GPHN: variants seen among roughly 807,000 people sequenced by gnomAD.
GPHN encodes the protein gephyrin.
In GPHN, 17 loss-of-function variants were observed where a neutral mutation model predicts 95.5. The ratio of observed to expected loss-of-function variants is 0.18; its 90% CI spans 0.12 to 0.27. The LOEUF is 0.27. Ranked by LOEUF, GPHN falls within the 10% of genes least tolerant of loss-of-function variation. The pLI, the probability that GPHN is intolerant of heterozygous loss-of-function variation, is 1.00. For missense variants in GPHN, 660 were observed against 978.1 expected (o/e 0.67, Z 4.34); for synonymous variants, 320 against 322.5 (o/e 0.99, Z 0.08).
At chr14:67,424,172 G>A in the GPHN span, among the ~76,000 whole-genome samples, 590 of 152,150 alleles carry the variant, frequency 3.9e-3, 3 homozygotes, top group African/African-American at 0.013. Context: ...CCCGGGAGAC[G>A]GAGTTTGTGG....
At chr14:67,302,576 G>A in the GPHN span, 1 of 1,478,740 alleles carries the variant, frequency 6.8e-7, no homozygotes, top group Non-Finnish European at 9.0e-7. Context: ...TTGTTGGTAA[G>A]TTGACGCAGC....
chr14:66,851,834 G>A (rs188185967), intron 4 of GPHN, among the ~76,000 whole-genome samples: 2 of 152,278 alleles, frequency 1.3e-5, no homozygotes, highest in African/African-American at 4.8e-5. Flanking sequence ...AATAGAATGG[G>A]TTGAGTGGGA....
At chr14:67,656,964 T>C in the GPHN span, 1 of 161,440 alleles carries the variant, frequency 6.2e-6, no homozygotes. Context: ...ATAATGCATA[T>C]AGCCTGTAAC....
At chr14:66,513,272 A>G (rs1345410801) in intron 1 of GPHN, among the ~76,000 whole-genome samples, 4 of 151,802 alleles carry the variant, frequency 2.6e-5, no homozygotes, top group African/African-American at 9.7e-5. Context: ...TAATACTATC[A>G]TCACTGGCCA....
chr14:66,975,705 C>A (rs1330857237), intron 9 of GPHN, among the ~76,000 whole-genome samples: 1 of 151,498 alleles, frequency 6.6e-6, no homozygotes, highest in Non-Finnish European at 1.5e-5. Context: ...CATAGTGAGA[C>A]CCTGTCTCTA....
intron 2 of GPHN, chr14:66,760,967 G>A (rs1386079564): frequency 3.1e-6 from 2 of 646,634 alleles, no homozygotes; most frequent in Non-Finnish European, 5.8e-6. Context: ...AGTTGGAAGA[G>A]AAAATGGTAT....
At chr14:67,060,089 A>C (rs2075763286) in intron 11 of GPHN, among the ~76,000 whole-genome samples, 1 of 152,048 alleles carries the variant, frequency 6.6e-6, no homozygotes. Context: ...AAAAATAAAT[A>C]AACCATCCCT....
the GPHN span, chr14:67,685,117 C>T: frequency 1.9e-6 from 3 of 1,614,052 alleles, no homozygotes; most frequent in East Asian, 2.2e-5. Context: ...GGAGAAAAGC[C>T]ACCACATCCA....
At chr14:66,771,796 A>T (rs1375661056) in intron 2 of GPHN, among the ~76,000 whole-genome samples, 1 of 138,974 alleles carries the variant, frequency 7.2e-6, no homozygotes, top group African/African-American at 2.7e-5. Context: ...TCATTGTTCA[A>T]TTCGCACCTA....
chr14:67,692,729 A>G, the GPHN span: 11 of 1,046,542 alleles, frequency 1.1e-5, no homozygotes, highest in South Asian at 1.7e-5. Context: ...TCTGATTAGC[A>G]AATAGGTAAA....
At chr14:66,635,581 T>G (rs980935048) in intron 1 of GPHN, among the ~76,000 whole-genome samples, 3 of 152,164 alleles carry the variant, frequency 2.0e-5, no homozygotes, top group African/African-American at 7.2e-5. Flanking sequence ...TAATCCACAC[T>G]ACTGTCTCTC....
intron 10 of GPHN, among the ~76,000 whole-genome samples, chr14:67,053,397 T>C (rs1220760597): frequency 6.6e-6 from 1 of 151,748 alleles, no homozygotes; most frequent in Non-Finnish European, 1.5e-5. Flanking sequence ...ACACACACCC[T>C]CGCAAGACAG....
the GPHN span, among the ~76,000 whole-genome samples, chr14:67,424,905 C>T: frequency 1.1e-4 from 16 of 152,216 alleles, no homozygotes; most frequent in Non-Finnish European, 2.1e-4. Context: ...CAGTTTCCCT[C>T]AGTTCCTTCC....
the GPHN span, chr14:67,271,350 T>C: frequency 2.0e-5 from 3 of 152,258 alleles, no homozygotes; most frequent in South Asian, 6.2e-4. Flanking sequence ...GTGATGGTTC[T>C]GGAGTTATAC....
chr14:67,045,158 T>A (rs2074940785), intron 10 of GPHN, among the ~76,000 whole-genome samples: 1 of 152,176 alleles, frequency 6.6e-6, no homozygotes, highest in Non-Finnish European at 1.5e-5. Flanking sequence ...CTGGGAGGAT[T>A]TTCCCAATCT....
At chr14:66,725,982 A>T (rs1478439480) in intron 2 of GPHN, among the ~76,000 whole-genome samples, 1 of 152,052 alleles carries the variant, frequency 6.6e-6, no homozygotes, top group Admixed American at 6.5e-5. Context: ...AGTAATTGTT[A>T]TTTTCATAAT....
At chr14:67,586,172 G>A in the GPHN span, 4 of 1,504,422 alleles carry the variant, frequency 2.7e-6, no homozygotes, top group African/African-American at 2.7e-5. Context: ...GGAAACTGGG[G>A]TTATGCTAGT....
chr14:66,803,173 G>A (rs966477915), intron 3 of GPHN, among the ~76,000 whole-genome samples: 2 of 152,156 alleles, frequency 1.3e-5, no homozygotes, highest in Non-Finnish European at 2.9e-5. Flanking sequence ...GGTCAGCTGA[G>A]TTTTATCCAG....
the GPHN span, among the ~76,000 whole-genome samples, chr14:67,439,554 T>TTTCTTTC: frequency 4.1e-5 from 3 of 72,668 alleles, no homozygotes; most frequent in South Asian, 4.3e-4. Flanking sequence ...TCTTTCTTTC[T>TTTCTTTC]TTCTTTCTTT....
Sources: gnomAD v4.1 joint callset for allele counts (sites outside exome capture counted in the v4.1 genomes callset) on GRCh38, gnomAD v4.1.1 for gene constraint, MANE v1.5 for transcripts, NCBI Gene and HGNC (gene_info 2026-07-23, HGNC 2026-07-21) for gene names.